The following KIAA1210 variants were observed in gnomAD, a reference collection of about 807,000 sequenced individuals.
KIAA1210 encodes KIAA1210.
KIAA1210 carries 48 observed loss-of-function variants against 78.9 expected under a neutral mutation model. The observed-to-expected ratio is 0.61, with a 90% CI of 0.48 to 0.77. The LOEUF (loss-of-function observed/expected upper bound fraction) is 0.77, where lower values mean the gene tolerates loss of function less well. KIAA1210 is among the 30% of genes least tolerant of loss of function. The probability of loss-of-function intolerance (pLI) is 0.00; values close to 1 mark genes in which losing one functional copy is unlikely to be tolerated. For synonymous variants in KIAA1210, 406 were observed against 404.5 expected (o/e 1.00, Z -0.04); for missense variants, 1,108 against 1,100.0 (o/e 1.01, Z -0.10).
rs368257991 is a variant in KIAA1210 at position 119,083,045 on chromosome X, G to C, written c.4396C>G (p.Gln1466Glu). 8.3e-6 allele frequency: 10 copies of C among 1,205,242 alleles called. No homozygotes were observed. Among genetic ancestry groups the C allele is most frequent in the Non-Finnish European group, 1.1e-5 (10 of 892,635 alleles). The change falls in exon 11 of 12, where the codon CAG (glutamine) becomes GAG (glutamate). Residue 1466 changes from glutamine (Q) to glutamate (E), a missense_variant. Gln to Glu is a conservative substitution (Grantham distance 29). Transcript: ENST00000691062. Reference protein sequence around the residue: ...SSVHKQEKTAQMKPPKPTKSV... With the variant: ...SSVHKQEKTAEMKPPKPTKSV... ...TTTGTAGGCTTAGGTGGCTTCATCT[G>C]TGCTGTCTTCTCCTGTTTATGGACA...
chrX:119,093,951 G>T, intron 7 of KIAA1210, 176 bp from the exon 8 acceptor site: 2 of 986,544 alleles, frequency 2.0e-6, no homozygotes, highest in Non-Finnish European at 2.9e-6. Context: ...TAATGGAATT[G>T]TTTCCACCAA....
intron 1 of KIAA1210, among the ~76,000 whole-genome samples, chrX:119,147,794 G>A (rs1381795459): frequency 8.9e-6 from 1 of 111,767 alleles, no homozygotes; most frequent in Admixed American, 9.5e-5. Flanking sequence ...GCCTGGGGTG[G>A]AAGGGGTACT....
chrX:119,147,574 G>A, exon 2 of KIAA1210: 1 of 1,209,679 alleles, frequency 8.3e-7, no homozygotes, highest in Non-Finnish European at 1.1e-6. Context: ...TCACTGCAGT[G>A]CCACAAAAGC....
intron 2 of KIAA1210, among the ~76,000 whole-genome samples, chrX:119,123,348 C>T (rs1337568491): frequency 8.9e-6 from 1 of 111,783 alleles, no homozygotes; most frequent in African/African-American, 3.3e-5. Context: ...CAGAAAAAGC[C>T]TTAGTAAGTA....
chrX:119,093,674 G>T lies in KIAA1210; in HGVS notation c.948C>A (p.Asp316Glu), dbSNP rs375346956. ...GGGTGAAGATATGCTAACCTGCACT[G>T]TCCATTCCCAGCTTCTTTTCGTTGA... Reference protein sequence around the residue: ...KEINEKKLGMDSADSSSQKQN... With the variant: ...KEINEKKLGMESADSSSQKQN... Residue 316 changes from aspartate (D) to glutamate (E), a missense_variant, in exon 8 of 12, where the codon GAC becomes GAA. By Grantham distance (45) the Asp-to-Glu change is conservative. This residue lies in a region of KIAA1210 where 672 missense variants were observed against 607.1 expected (regional missense o/e 1.11). Coordinates refer to ENST00000691062, the MANE Select transcript of KIAA1210 (RefSeq NM_001394962.1). 1.7e-6 allele frequency: 2 copies of T among 1,197,720 alleles called. No homozygotes were observed. The highest frequency in any genetic ancestry group is 3.5e-5 in the African/African-American group (2 of 56,867).
chrX:119,121,250 C>T (rs1022874668), intron 2 of KIAA1210, among the ~76,000 whole-genome samples: 10 of 111,942 alleles, frequency 8.9e-5, no homozygotes, highest in African/African-American at 3.2e-4. Context: ...CCTCCACAGG[C>T]TGTTTTTCAA....
intron 1 of KIAA1210, among the ~76,000 whole-genome samples, chrX:119,127,073 C>CAAAA (rs5903547): frequency 1.1e-5 from 1 of 92,642 alleles, no homozygotes; most frequent in African/African-American, 4.0e-5. Context: ...GAACCTGTCT[C>CAAAA]AAAAAAAAAA....
chrX:119,093,121 T>TG (rs1927439660), intron 8 of KIAA1210, among the ~76,000 whole-genome samples: 1 of 112,259 alleles, frequency 8.9e-6, no homozygotes, highest in African/African-American at 3.2e-5. Flanking sequence ...ATTTGATAGG[T>TG]GTTGGCTGCC....
At chrX:119,135,956 A>G (rs1181380988) in intron 2 of KIAA1210, among the ~76,000 whole-genome samples, 1 of 111,086 alleles carries the variant, frequency 9.0e-6, no homozygotes, top group Non-Finnish European at 1.9e-5. Context: ...CGGGAGGCTG[A>G]GGCAGAGAAT....
chrX:119,137,649 T>C (rs189205483), intron 2 of KIAA1210, among the ~76,000 whole-genome samples: 1 of 112,911 alleles, frequency 8.9e-6, no homozygotes, highest in East Asian at 2.8e-4. Context: ...CCAACACAAA[T>C]TCATCAACTT....
chrX:119,082,896 C>T (rs867531486), intron 11 of KIAA1210, 119 bp downstream of exon 11: 10 of 438,151 alleles, frequency 2.3e-5, no homozygotes, highest in Middle Eastern at 7.2e-4. Flanking sequence ...AAGAGCCACG[C>T]GAGAAATCAT....
chrX:119,133,091 C>T (rs1210259100), intron 2 of KIAA1210, among the ~76,000 whole-genome samples: 3 of 111,268 alleles, frequency 2.7e-5, no homozygotes, highest in Non-Finnish European at 5.7e-5. Flanking sequence ...GATGCCAGGA[C>T]GCCAACTCAT....
At chrX:119,108,562 G>A in intron 4 of KIAA1210, 91 bp from the exon 5 acceptor site, 1 of 1,057,416 alleles carries the variant, frequency 9.5e-7, no homozygotes, top group Admixed American at 3.1e-5. Flanking sequence ...TTCTTATGGT[G>A]TGTTAAGAGA....
intron 3 of KIAA1210, among the ~76,000 whole-genome samples, chrX:119,111,757 T>A (rs1347404290): frequency 9.0e-6 from 1 of 111,605 alleles, no homozygotes; most frequent in East Asian, 2.8e-4. Flanking sequence ...AGTGTAATTT[T>A]AAAAATTAAC....
chrX:119,115,877 G>A (rs779841847), intron 3 of KIAA1210, among the ~76,000 whole-genome samples: 1 of 111,913 alleles, frequency 8.9e-6, no homozygotes, highest in African/African-American at 3.2e-5. Context: ...TCTTCCCCAT[G>A]CCCCCTGTGA....
At chrX:119,150,244 C>A in intron 1 of KIAA1210, 1 of 1,146,511 alleles carries the variant, frequency 8.7e-7, no homozygotes. Flanking sequence ...TGAGTCATTT[C>A]TTACAAACTC....
chrX:119,123,826 G>T (rs927731710), intron 1 of KIAA1210, among the ~76,000 whole-genome samples, 174 bp from the exon 2 acceptor site: 5 of 111,828 alleles, frequency 4.5e-5, no homozygotes, highest in Admixed American at 1.9e-4. Context: ...AAAAGACAAT[G>T]ATTCCAAATG....
intron 3 of KIAA1210, among the ~76,000 whole-genome samples, chrX:119,112,423 T>A (rs1928109981): frequency 9.0e-6 from 1 of 111,704 alleles, no homozygotes; most frequent in South Asian, 3.8e-4. Flanking sequence ...ATTCTTTTTA[T>A]TGAATTCTTA....
chrX:119,118,937 C>A (rs2147188300), intron 2 of KIAA1210, among the ~76,000 whole-genome samples: 1 of 112,400 alleles, frequency 8.9e-6, no homozygotes, highest in East Asian at 2.8e-4. Flanking sequence ...TCCTTAGCAT[C>A]CCCCTTAGCA....
Sources: allele counts gnomAD v4.1 joint callset (sites outside exome capture counted in the v4.1 genomes callset), GRCh38; gene constraint gnomAD v4.1.1; regional missense constraint gnomAD v4.1.1; transcripts MANE v1.5; gene names NCBI Gene and HGNC (gene_info 2026-07-23, HGNC 2026-07-21).